The following BTBD9 variants were observed in gnomAD, a reference collection of about 807,000 sequenced individuals.
BTBD9 encodes BTB/POZ domain-containing protein 9.
BTBD9 carries 49 observed loss-of-function variants against 64.3 expected under a neutral mutation model. The observed-to-expected ratio is 0.76, with a 90% CI of 0.61 to 0.97. BTBD9 has a LOEUF of 0.97. BTBD9 is among the 50% of genes least tolerant of loss of function. The pLI is 0.00. For missense variants in BTBD9, 598 were observed against 762.1 expected (o/e 0.78, Z 2.53); for synonymous variants, 260 against 274.7 (o/e 0.95, Z 0.53).
At chr6:38,276,236 A>T (rs778272045) in intron 8 of BTBD9, among the ~76,000 whole-genome samples, 2 of 152,058 alleles carry the variant, frequency 1.3e-5, no homozygotes, top group Non-Finnish European at 2.9e-5. Flanking sequence ...ATTCTCAGCA[A>T]ACTATCGCAA....
chr6:38,471,819 T>C (rs114542375), intron 6 of BTBD9, among the ~76,000 whole-genome samples: 452 of 152,330 alleles, frequency 3.0e-3, no homozygotes, highest in Non-Finnish European at 4.8e-3. Context: ...ATTATGTCTC[T>C]TCATTACCAA....
At chr6:38,601,047 A>G (rs1487419137) in intron 1 of BTBD9, among the ~76,000 whole-genome samples, 1 of 152,070 alleles carries the variant, frequency 6.6e-6, no homozygotes, top group Non-Finnish European at 1.5e-5. Context: ...GGGAGCTTAA[A>G]AACAACAAAA....
chr6:38,193,403 C>G (rs1428822809), intron 9 of BTBD9, among the ~76,000 whole-genome samples: 1 of 152,170 alleles, frequency 6.6e-6, no homozygotes, highest in Non-Finnish European at 1.5e-5. Flanking sequence ...CCCCTTCTTT[C>G]CTGCTTCCAA....
chr6:38,504,695 T>C, intron 6 of BTBD9: 2 of 430,600 alleles, frequency 4.6e-6, no homozygotes, highest in Non-Finnish European at 9.2e-6. Context: ...AAATACATTG[T>C]ACCAGTGTGT....
chr6:38,390,353 G>C (rs1311246742), intron 6 of BTBD9, among the ~76,000 whole-genome samples: 1 of 152,030 alleles, frequency 6.6e-6, no homozygotes, highest in Non-Finnish European at 1.5e-5. Flanking sequence ...CCAAAGTGCT[G>C]GGATTATAGG....
At chr6:38,542,479 T>C (rs1159592149) in intron 6 of BTBD9, among the ~76,000 whole-genome samples, 1 of 152,076 alleles carries the variant, frequency 6.6e-6, no homozygotes, top group Non-Finnish European at 1.5e-5. Flanking sequence ...TACCTCAATC[T>C]CATTTTCCCC....
chr6:38,224,377 T>C (rs1444081114), intron 9 of BTBD9, among the ~76,000 whole-genome samples: 2 of 152,376 alleles, frequency 1.3e-5, no homozygotes, highest in East Asian at 3.9e-4. Flanking sequence ...ATCTCAGATA[T>C]GGCCATGAGC....
chr6:38,335,405 A>G (rs1763853592), intron 7 of BTBD9, among the ~76,000 whole-genome samples: 1 of 151,936 alleles, frequency 6.6e-6, no homozygotes, highest in African/African-American at 2.4e-5. Context: ...GGCGTGCACC[A>G]CCAAACCTGG....
chr6:38,328,420 G>A (rs1001155653), intron 7 of BTBD9, among the ~76,000 whole-genome samples: 1 of 152,168 alleles, frequency 6.6e-6, no homozygotes, highest in African/African-American at 2.4e-5. Flanking sequence ...GAAGGGCTAT[G>A]TGAGGGTATA....
intron 6 of BTBD9, among the ~76,000 whole-genome samples, chr6:38,408,788 T>C (rs1165582816): frequency 1.3e-5 from 2 of 152,218 alleles, no homozygotes; most frequent in African/African-American, 4.8e-5. Flanking sequence ...TACCCCTCTT[T>C]GTCCGAAAAA....
intron 6 of BTBD9, among the ~76,000 whole-genome samples, chr6:38,400,061 C>A (rs990282245): frequency 6.6e-6 from 1 of 152,106 alleles, no homozygotes; most frequent in African/African-American, 2.4e-5. Flanking sequence ...TGTGCCTGGC[C>A]TTGTTCTGAT....
chr6:38,599,832 G>C (rs1461725511), intron 1 of BTBD9, among the ~76,000 whole-genome samples: 1 of 152,202 alleles, frequency 6.6e-6, no homozygotes, highest in African/African-American at 2.4e-5. Context: ...TCAAAAGGGG[G>C]AGCAATAGCA....
chr6:38,346,352 G>T (rs1242830638), intron 6 of BTBD9, among the ~76,000 whole-genome samples: 1 of 152,004 alleles, frequency 6.6e-6, no homozygotes, highest in Non-Finnish European at 1.5e-5. Context: ...CTTCAAGCTT[G>T]ACTCTCACGG....
intron 9 of BTBD9, among the ~76,000 whole-genome samples, chr6:38,243,571 G>A (rs912774975): frequency 1.3e-5 from 2 of 152,150 alleles, no homozygotes; most frequent in Non-Finnish European, 2.9e-5. Flanking sequence ...AAAAAAAGAT[G>A]AAAGGGTATA....
chr6:38,332,411 T>C (rs1763712895), intron 7 of BTBD9, among the ~76,000 whole-genome samples: 1 of 152,302 alleles, frequency 6.6e-6, no homozygotes, highest in Middle Eastern at 3.4e-3. Context: ...TATCCTTCGG[T>C]TCTTAACTGA....
At chr6:38,488,323 C>T (rs988234478) in intron 6 of BTBD9, among the ~76,000 whole-genome samples, 13 of 151,942 alleles carry the variant, frequency 8.6e-5, no homozygotes, top group Non-Finnish European at 2.9e-5. Context: ...GATCTAGCCT[C>T]CCAACTTAGC....
chr6:38,381,789 T>A (rs1446480447), intron 6 of BTBD9, among the ~76,000 whole-genome samples: 2 of 152,002 alleles, frequency 1.3e-5, no homozygotes, highest in Admixed American at 1.3e-4. Context: ...CATACACACA[T>A]ACATACACAC....
chr6:38,596,030 G>A, intron 2 of BTBD9: 4 of 985,402 alleles, frequency 4.1e-6, no homozygotes, highest in Non-Finnish European at 4.8e-6. Context: ...GAGGTTCAAT[G>A]TTTACTATGA....
chr6:38,302,485 G>GTGTATA (rs1554137022), intron 7 of BTBD9, among the ~76,000 whole-genome samples: 24 of 106,892 alleles, frequency 2.2e-4, no homozygotes, highest in Admixed American at 4.1e-4. Context: ...TTGTGTGTAT[G>GTGTATA]TATATATATA....
Sources: allele counts gnomAD v4.1 joint callset (sites outside exome capture counted in the v4.1 genomes callset), GRCh38; gene constraint gnomAD v4.1.1; transcripts MANE v1.5; gene names NCBI Gene and HGNC (gene_info 2026-07-23, HGNC 2026-07-21).